NIM1K: variants seen among roughly 807,000 people sequenced by gnomAD.
NIM1K encodes serine/threonine-protein kinase NIM1.
NIM1K carries 35 observed loss-of-function variants against 37.1 expected under a neutral mutation model. That is an observed-to-expected ratio of 0.94 (90% CI 0.72 to 1.25). The LOEUF is 1.25. Among genes scored for constraint, NIM1K ranks in the 50% most tolerant of loss-of-function variants. The pLI, the probability that NIM1K is intolerant of heterozygous loss-of-function variation, is 0.00. For missense variants in NIM1K, 564 were observed against 548.0 expected (o/e 1.03, Z -0.29); for synonymous variants, 234 against 206.6 (o/e 1.13, Z -1.14).
chr5:43,279,284 C>T (rs1052268141), intron 3 of NIM1K, among the ~76,000 whole-genome samples: 3 of 152,100 alleles, frequency 2.0e-5, no homozygotes, highest in Non-Finnish European at 4.4e-5. Flanking sequence ...TTCACAGTAC[C>T]CAGCTGGTAT....
At chr5:43,206,531 G>T (rs1034804539) in intron 1 of NIM1K, among the ~76,000 whole-genome samples, 1 of 151,726 alleles carries the variant, frequency 6.6e-6, no homozygotes, top group Non-Finnish European at 1.5e-5. Flanking sequence ...ATAGGTTGGG[G>T]GAGAAAAAAA....
intron 1 of NIM1K, among the ~76,000 whole-genome samples, chr5:43,198,215 TTCTTTCTTTCTTTC>T (rs1751959300): frequency 2.0e-4 from 19 of 93,498 alleles, no homozygotes; most frequent in South Asian, 1.2e-3. Context: ...TTCTCTTTCT[TTCTTTCTTTCTTTC>T]TTTCTTTCTT....
chr5:43,244,126 A>C (rs1752743541), intron 1 of NIM1K, among the ~76,000 whole-genome samples: 1 of 152,190 alleles, frequency 6.6e-6, no homozygotes, highest in African/African-American at 2.4e-5. Context: ...AGGAAGCCTT[A>C]TTTATACTTA....
chr5:43,240,716 T>C (rs775524194), intron 1 of NIM1K, among the ~76,000 whole-genome samples: 2 of 151,866 alleles, frequency 1.3e-5, no homozygotes, highest in Non-Finnish European at 2.9e-5. Context: ...TTTGTATTTT[T>C]AGTAGAAACG....
intron 1 of NIM1K, among the ~76,000 whole-genome samples, chr5:43,233,686 T>C (rs886839150): frequency 2.0e-5 from 3 of 152,236 alleles, no homozygotes; most frequent in African/African-American, 7.2e-5. Flanking sequence ...ACATTAGAGC[T>C]GGAGAAAGTT....
At chr5:43,202,133 ATGG>A (rs1752029952) in intron 1 of NIM1K, among the ~76,000 whole-genome samples, 1 of 152,120 alleles carries the variant, frequency 6.6e-6, no homozygotes, top group African/African-American at 2.4e-5. Flanking sequence ...GAAAACATTT[ATGG>A]TCATTAATTT....
At chr5:43,279,439 G>A (rs1440542950) in intron 3 of NIM1K, among the ~76,000 whole-genome samples, 4 of 152,196 alleles carry the variant, frequency 2.6e-5, no homozygotes, top group African/African-American at 9.7e-5. Flanking sequence ...AAGATTGTCT[G>A]GATTCAGGAT....
intron 1 of NIM1K, among the ~76,000 whole-genome samples, chr5:43,214,813 C>CAAAAAAAAAAA (rs369233525): frequency 4.2e-5 from 3 of 71,710 alleles, no homozygotes; most frequent in Non-Finnish European, 7.8e-5. Context: ...GACTCCGTCT[C>CAAAAAAAAAAA]AAAAAAAAAA....
intron 1 of NIM1K, among the ~76,000 whole-genome samples, chr5:43,198,167 C>A (rs1043489486): frequency 1.7e-4 from 9 of 53,154 alleles, no homozygotes; most frequent in African/African-American, 4.8e-4. Flanking sequence ...TTCTTTCTTT[C>A]TTTCTTTCTT....
chr5:43,272,868 A>G (rs188963174), intron 2 of NIM1K, among the ~76,000 whole-genome samples: 1 of 152,198 alleles, frequency 6.6e-6, no homozygotes, highest in African/African-American at 2.4e-5. Context: ...CCTTGAGTAG[A>G]GCCACCCCTT....
At chr5:43,227,351 T>G (rs1752472491) in intron 1 of NIM1K, among the ~76,000 whole-genome samples, 2 of 151,884 alleles carry the variant, frequency 1.3e-5, no homozygotes, top group Non-Finnish European at 2.9e-5. Flanking sequence ...AGAGCGAGAC[T>G]CCGTTTCAAA....
intron 2 of NIM1K, among the ~76,000 whole-genome samples, chr5:43,256,449 T>G (rs1226434493): frequency 2.0e-5 from 3 of 152,112 alleles, no homozygotes; most frequent in Admixed American, 1.3e-4. Context: ...CTGACTGAAA[T>G]GGGGAAGATT....
Position 43,203,648 on chromosome 5 carries a change from A to G in NIM1K, c.-695+11237A>G, listed in dbSNP as rs115090424. On this transcript the variant is annotated intron_variant, in intron 1 of 3. Coordinates refer to ENST00000326035, the MANE Select transcript of NIM1K (RefSeq NM_153361.4). Reference sequence around the variant, plus strand: ...TTTGGCTAAGGTTTTTCTTTTAACAATAGTCATATAGTACACTAATCTGTG... The same window carrying G: ...TTTGGCTAAGGTTTTTCTTTTAACAGTAGTCATATAGTACACTAATCTGTG... 3.4e-3 allele frequency among the ~76,000 whole-genome samples: 515 copies of G among 152,322 alleles called. 5 individuals carry two copies. Among genetic ancestry groups the G allele is most frequent in the African/African-American group, 0.012 (493 of 41,576 alleles).
intron 2 of NIM1K, among the ~76,000 whole-genome samples, chr5:43,276,300 A>G (rs1241699899): frequency 1.3e-5 from 2 of 152,254 alleles, no homozygotes; most frequent in African/African-American, 2.4e-5. Flanking sequence ...GGAAGCTCCA[A>G]TCATGGTGGA....
At chr5:43,208,120 G>A (rs1407485386) in intron 1 of NIM1K, among the ~76,000 whole-genome samples, 1 of 151,906 alleles carries the variant, frequency 6.6e-6, no homozygotes, top group East Asian at 1.9e-4. Flanking sequence ...TTTTGTTTTT[G>A]TTTTGGTAGA....
intron 2 of NIM1K, among the ~76,000 whole-genome samples, chr5:43,262,660 G>A (rs1325803989): frequency 6.6e-6 from 1 of 152,120 alleles, no homozygotes; most frequent in Non-Finnish European, 1.5e-5. Context: ...TAGGAGTGGT[G>A]AGAGAGGGCA....
intron 2 of NIM1K, among the ~76,000 whole-genome samples, chr5:43,249,348 C>T (rs1266140359): frequency 6.6e-6 from 1 of 151,874 alleles, no homozygotes; most frequent in Non-Finnish European, 1.5e-5. Flanking sequence ...GATTACAGGC[C>T]TGAGCCACCG....
At chr5:43,239,357 C>T (rs1274654283) in intron 1 of NIM1K, among the ~76,000 whole-genome samples, 1 of 151,904 alleles carries the variant, frequency 6.6e-6, no homozygotes, top group African/African-American at 2.4e-5. Context: ...CCTGCCTCAG[C>T]CTTCTGAGTA....
chr5:43,241,857 T>A (rs2112257875), intron 1 of NIM1K, among the ~76,000 whole-genome samples: 1 of 152,020 alleles, frequency 6.6e-6, no homozygotes, highest in Non-Finnish European at 1.5e-5. Context: ...CATAAAAAAA[T>A]TTCTGATTCT....
Sources: allele counts gnomAD v4.1 joint callset (sites outside exome capture counted in the v4.1 genomes callset), GRCh38; gene constraint gnomAD v4.1.1; transcripts MANE v1.5; gene names NCBI Gene and HGNC (gene_info 2026-07-23, HGNC 2026-07-21).